Variants in KIRREL1 observed in about 807,000 individuals in gnomAD.
KIRREL1 encodes the protein kin of IRRE-like protein 1.
KIRREL1 carries 25 observed loss-of-function variants against 83.3 expected under a neutral mutation model. The observed-to-expected ratio is 0.30, with a 90% confidence interval of 0.22 to 0.42. KIRREL1 has a LOEUF of 0.42. Among genes scored for constraint, KIRREL1 ranks in the 10% least tolerant of loss-of-function variants. The pLI is 1.00. For missense variants in KIRREL1, 812 were observed against 1,032.3 expected (o/e 0.79, Z 2.92); for synonymous variants, 388 against 410.4 (o/e 0.95, Z 0.66).
At chr1:158,038,485 CTTTTTTTTT>C (rs11340189) in intron 1 of KIRREL1, among the ~76,000 whole-genome samples, 1 of 68,080 alleles carries the variant, frequency 1.5e-5, no homozygotes, top group Non-Finnish European at 3.1e-5. Flanking sequence ...GGCTCTTCCT[CTTTTTTTTT>C]TTTTTTTTTT....
intron 1 of KIRREL1, among the ~76,000 whole-genome samples, chr1:158,066,351 CAT>C (rs1253695801): frequency 6.6e-6 from 1 of 152,210 alleles, no homozygotes; most frequent in Non-Finnish European, 1.5e-5. Flanking sequence ...TCTTTCATAC[CAT>C]AGTGTCCTCT....
intron 1 of KIRREL1, among the ~76,000 whole-genome samples, chr1:157,994,568 T>TG (rs977166321): frequency 1.3e-5 from 2 of 150,592 alleles, no homozygotes. Context: ...GGGCTGGGGT[T>TG]GGGGGAGGGA....
chr1:158,060,312 C>T (rs1661179318), intron 1 of KIRREL1, among the ~76,000 whole-genome samples: 1 of 152,212 alleles, frequency 6.6e-6, no homozygotes. Context: ...ATCTCCCTGT[C>T]TGTAGCCACC....
intron 1 of KIRREL1, among the ~76,000 whole-genome samples, chr1:158,054,392 CCAT>C (rs1377387734): frequency 6.6e-6 from 1 of 151,866 alleles, no homozygotes; most frequent in Non-Finnish European, 1.5e-5. Flanking sequence ...ATTTATGGAA[CCAT>C]CATCATTACT....
In KIRREL1 at chr1:158,098,561, T is replaced by G. The variant is rs1010398977; in HGVS notation, c.*3441T>G. On this transcript the variant is annotated 3_prime_UTR_variant, in exon 15 of 15. Transcript: ENST00000359209. ...GGGGTACAACAGCTTTGGAATACAT[T>G]CTGGATCTTGAGGAGGATCTTGTGA... The G allele has an allele frequency of 6.6e-6, 1 of 152,206 alleles. No homozygotes were observed. Among genetic ancestry groups the G allele is most frequent in the Non-Finnish European group, 1.5e-5 (1 of 68,054 alleles). The allele number at this position is 152,206 out of a possible 1,614,324, so 9.4% of individuals were successfully genotyped here.
intron 1 of KIRREL1, among the ~76,000 whole-genome samples, chr1:158,027,398 G>C (rs959715546): frequency 6.6e-6 from 1 of 152,154 alleles, no homozygotes; most frequent in Non-Finnish European, 1.5e-5. Context: ...GTTTATGAAG[G>C]CTTCATTACA....
intron 1 of KIRREL1, among the ~76,000 whole-genome samples, chr1:158,048,705 G>A (rs759939752): frequency 2.0e-5 from 3 of 152,164 alleles, no homozygotes; most frequent in Non-Finnish European, 4.4e-5. Context: ...GCGGTTCAAG[G>A]CAGGCCATTA....
At position 158,084,598 on chromosome 1, in the gene KIRREL1, C is replaced by T. The variant is rs1386881590; in HGVS notation, c.510+19C>T. The stretch of plus-strand genomic sequence containing the variant: ...CAGCACGGTGAGCTCCAGCCAGCTC[C>T]CCCAGCTCCTCCTGGGCCTAGCCCA... On this transcript the variant is annotated intron_variant, in intron 4 of 14. Transcript: ENST00000359209. 1.9e-6 allele frequency: 3 copies of T among 1,550,048 alleles called. No individual in the cohort carries two copies. Among genetic ancestry groups the T allele is most frequent in the Admixed American group, 2.0e-5 (1 of 50,864 alleles).
chr1:158,073,837 A>G (rs1352021638), intron 1 of KIRREL1, among the ~76,000 whole-genome samples: 1 of 152,178 alleles, frequency 6.6e-6, no homozygotes, highest in Non-Finnish European at 1.5e-5. Context: ...CAAGTGGACA[A>G]GGAGCCAGCT....
chr1:158,009,375 T>C (rs1395036081), intron 1 of KIRREL1, among the ~76,000 whole-genome samples: 12 of 152,204 alleles, frequency 7.9e-5, no homozygotes, highest in Admixed American at 7.9e-4. Context: ...ATTTCTTCAT[T>C]GGTAAATGGG....
intron 1 of KIRREL1, among the ~76,000 whole-genome samples, chr1:158,067,314 A>T (rs11580238): frequency 0.018 from 2,688 of 152,268 alleles, 31 homozygotes; most frequent in Non-Finnish European, 0.027. Flanking sequence ...CTCTTCTCCT[A>T]TGCCGGATAC....
chr1:158,095,185 AT>A lies in KIRREL1; in HGVS notation c.*66del. The A allele has an allele frequency of 6.0e-6, 7 of 1,170,918 alleles. No individual in the cohort carries two copies. The highest frequency in any genetic ancestry group is 8.4e-6 in the Non-Finnish European group (7 of 830,946). 72.5% of individuals were successfully genotyped at this position (1,170,918 alleles called of 1,614,324 possible). A position where few individuals can be genotyped will look rare whatever the true frequency, so the allele number is the denominator to read the frequency against. On this transcript the variant is annotated 3_prime_UTR_variant, in exon 15 of 15. Transcript: ENST00000359209. ...AGAAGGCTTTCACAGCTGTTCCCTG[AT>A]ATTCAGGGGCATTGCTCATTGCTCC...
At chr1:158,013,412 A>G (rs1397062580) in intron 1 of KIRREL1, among the ~76,000 whole-genome samples, 3 of 152,206 alleles carry the variant, frequency 2.0e-5, no homozygotes, top group Admixed American at 6.5e-5. Context: ...ACGATCTACC[A>G]CATCTCCACC....
At chr1:158,072,331 C>T (rs1661538464) in intron 1 of KIRREL1, among the ~76,000 whole-genome samples, 1 of 152,136 alleles carries the variant, frequency 6.6e-6, no homozygotes, top group Non-Finnish European at 1.5e-5. Flanking sequence ...CTCACTCTCA[C>T]TCCCTCAGTC....
chr1:158,077,118 A>G (rs1032814733), intron 2 of KIRREL1, among the ~76,000 whole-genome samples: 4 of 152,206 alleles, frequency 2.6e-5, no homozygotes, highest in African/African-American at 9.6e-5. Context: ...AGAAGTAAGT[A>G]TGGGTGTGGG....
In KIRREL1 at chr1:158,094,623, C is replaced by G. The variant is rs1662301875; in HGVS notation, c.1798-21C>G. ...CCCAAGAGGGAACACTGCCTCCATC[C>G]TCTTCTCTCATTGCCCCCAGGACCC... On this transcript the variant is annotated intron_variant, in intron 14 of 14. Coordinates refer to ENST00000359209, the MANE Select transcript of KIRREL1 (RefSeq NM_018240.7). The surrounding 1 kb of genome is among the most constrained non-coding windows in gnomAD (Gnocchi z 4.6). 8 of 1,556,044 alleles carry G rather than the reference C, an allele frequency of 5.1e-6. No individual in the cohort carries two copies. Among genetic ancestry groups the G allele is most frequent in the Non-Finnish European group, 7.0e-6 (8 of 1,145,768 alleles).
chr1:158,057,376 A>G (rs1661094562), intron 1 of KIRREL1, among the ~76,000 whole-genome samples: 1 of 152,138 alleles, frequency 6.6e-6, no homozygotes. Flanking sequence ...TGACTTCCTA[A>G]GACCTGGAAT....
At chr1:158,062,600 G>A (rs543704871) in intron 1 of KIRREL1, among the ~76,000 whole-genome samples, 1 of 152,226 alleles carries the variant, frequency 6.6e-6, no homozygotes, top group Non-Finnish European at 1.5e-5. Flanking sequence ...AAAGTGCCTC[G>A]TTCTCCCTTT....
At chr1:158,016,828 C>T (rs9628668) in intron 1 of KIRREL1, among the ~76,000 whole-genome samples, 3,110 of 152,216 alleles carry the variant, frequency 0.02, 106 homozygotes, top group African/African-American at 0.07. Flanking sequence ...GAGGGCTAAG[C>T]CTTGGAAAGA....
Sources: allele counts gnomAD v4.1 joint callset (sites outside exome capture counted in the v4.1 genomes callset), GRCh38; gene constraint gnomAD v4.1.1; non-coding constraint Gnocchi (gnomAD v3.1); transcripts MANE v1.5; gene names NCBI Gene and HGNC (gene_info 2026-07-23, HGNC 2026-07-21).